The following KIF16B variants were observed in gnomAD, a reference collection of about 807,000 sequenced individuals.
KIF16B encodes kinesin family member 16B, also known as kinesin-like protein KIF16B.
A neutral mutation model predicts 156.3 loss-of-function variants in KIF16B; 98 were observed. The observed-to-expected ratio is 0.63, with a 90% CI of 0.53 to 0.74. The LOEUF (loss-of-function observed/expected upper bound fraction) is 0.74. Ranked by LOEUF, KIF16B falls within the 30% of genes least tolerant of loss-of-function variation. KIF16B has a pLI of 0.00. For missense variants in KIF16B, 1,421 were observed against 1,606.5 expected (o/e 0.88, Z 1.97); for synonymous variants, 564 against 583.7 (o/e 0.97, Z 0.49).
intron 12 of KIF16B, among the ~76,000 whole-genome samples, chr20:16,463,404 T>C (rs2067402015): frequency 6.6e-6 from 1 of 152,174 alleles, no homozygotes; most frequent in Non-Finnish European, 1.5e-5. Context: ...CAAAGTATCC[T>C]AGCATTAGAA....
At chr20:16,353,390 A>G (rs993278650) in intron 23 of KIF16B, among the ~76,000 whole-genome samples, 1 of 152,184 alleles carries the variant, frequency 6.6e-6, no homozygotes, top group Non-Finnish European at 1.5e-5. Flanking sequence ...ACAAAATCCA[A>G]AACTCTCATA....
rs1239388068 is a variant in KIF16B, at chr20:16,370,611, G to A, written c.3473C>T (p.Thr1158Ile). 4 of 1,578,942 alleles carry A rather than the reference G, an allele frequency of 2.5e-6. No individual in the cohort carries two copies. Among genetic ancestry groups the A allele is most frequent in the Admixed American group, 2.0e-5 (1 of 50,962 alleles). The change falls in exon 22 of 26, where the codon ACC becomes ATC. Residue 1158 changes from threonine to isoleucine, a missense_variant. By Grantham distance (89) the Thr-to-Ile change is moderately conservative (BLOSUM62 -1). Transcript: ENST00000354981. Reference protein sequence around the residue: ...MKDNEKLHNGTIQRKLKYERM... With the variant: ...MKDNEKLHNGIIQRKLKYERM... ...CTCATATTTTAGTTTACGTTGAATG[G>A]TGCCATTGTGAAGTTTCTCATTATC...
At chr20:16,449,050 A>G (rs1228166109) in intron 12 of KIF16B, among the ~76,000 whole-genome samples, 2 of 152,216 alleles carry the variant, frequency 1.3e-5, no homozygotes, top group Admixed American at 6.5e-5. Context: ...TGTCAAGAAT[A>G]AATAGATGAA....
intron 12 of KIF16B, among the ~76,000 whole-genome samples, chr20:16,460,562 C>CA (rs1272883244): frequency 0.014 from 1,850 of 135,050 alleles, 33 homozygotes; most frequent in African/African-American, 0.044. Context: ...ACTCCGTCTC[C>CA]AAAAAAAAAA....
At chr20:16,536,376 A>G (rs999685708) in intron 1 of KIF16B, among the ~76,000 whole-genome samples, 3 of 152,126 alleles carry the variant, frequency 2.0e-5, no homozygotes, top group Non-Finnish European at 4.4e-5. Context: ...GAAGTAGGTT[A>G]ATGGGTACAA....
chr20:16,530,424 C>T (rs1339514214), intron 1 of KIF16B, among the ~76,000 whole-genome samples: 1 of 152,160 alleles, frequency 6.6e-6, no homozygotes, highest in Non-Finnish European at 1.5e-5. Flanking sequence ...TCTGTTTGAG[C>T]CCTGGCAGTG....
chr20:16,547,159 T>G (rs1313787004), intron 1 of KIF16B, among the ~76,000 whole-genome samples: 1 of 152,208 alleles, frequency 6.6e-6, no homozygotes, highest in African/African-American at 2.4e-5. Flanking sequence ...CACATAAGCA[T>G]GCTGTGTCCT....
chr20:16,431,159 C>T (rs759653266), intron 12 of KIF16B, among the ~76,000 whole-genome samples: 1 of 152,078 alleles, frequency 6.6e-6, no homozygotes, highest in African/African-American at 2.4e-5. Flanking sequence ...GCAGCACGTG[C>T]CTCTGGCCCA....
intron 12 of KIF16B, among the ~76,000 whole-genome samples, chr20:16,447,978 G>T (rs1363770933): frequency 6.6e-6 from 1 of 152,154 alleles, no homozygotes; most frequent in Non-Finnish European, 1.5e-5. Context: ...ATGGACAGGT[G>T]TGTGAAGTAA....
chr20:16,531,122 A>G (rs2069731547), intron 1 of KIF16B, among the ~76,000 whole-genome samples: 1 of 152,236 alleles, frequency 6.6e-6, no homozygotes, highest in Non-Finnish European at 1.5e-5. Flanking sequence ...TGCTGCCCAA[A>G]GTTGAGAAAT....
In KIF16B at chr20:16,516,991, G is replaced by A. The variant is rs932684326; in HGVS notation, c.232-1327C>T. Reference sequence around the variant, plus strand: ...ATGGAAGCCAGATTCCCATTAGGATGTGCACATGGCCCACATCAGTGCAGA... The same window carrying A: ...ATGGAAGCCAGATTCCCATTAGGATATGCACATGGCCCACATCAGTGCAGA... On this transcript the variant is annotated intron_variant, in intron 3 of 25. Transcript: ENST00000354981. Among the ~76,000 whole-genome samples, 13 of 152,206 alleles carry A rather than the reference G, an allele frequency of 8.5e-5. No individual in the cohort carries two copies. In the East Asian group the frequency reaches 2.3e-3, roughly 27 times the overall value.
intron 23 of KIF16B, among the ~76,000 whole-genome samples, chr20:16,348,021 G>T (rs2064266106): frequency 6.6e-6 from 1 of 152,136 alleles, no homozygotes. Flanking sequence ...AATTTTTCTA[G>T]GCATTTCTTC....
intron 24 of KIF16B, among the ~76,000 whole-genome samples, chr20:16,328,749 A>C (rs1164692257): frequency 1.3e-5 from 2 of 152,166 alleles, no homozygotes; most frequent in Admixed American, 6.5e-5. Context: ...TCAGGGTGTA[A>C]GCAGATTCAG....
intron 4 of KIF16B, among the ~76,000 whole-genome samples, chr20:16,513,607 C>A (rs1036675097): frequency 6.8e-6 from 1 of 147,502 alleles, no homozygotes; most frequent in Non-Finnish European, 1.5e-5. Flanking sequence ...TTGCAGTGAG[C>A]CAAGATTGCG....
At chr20:16,373,278 T>TA (rs756355405) in intron 20 of KIF16B, among the ~76,000 whole-genome samples, 3 of 152,224 alleles carry the variant, frequency 2.0e-5, no homozygotes, top group Non-Finnish European at 4.4e-5. Flanking sequence ...GATAGTCACT[T>TA]AAATTTGAAA....
chr20:16,286,028 T>C (rs899531827), intron 25 of KIF16B, among the ~76,000 whole-genome samples: 6 of 152,224 alleles, frequency 3.9e-5, no homozygotes, highest in Admixed American at 6.5e-5. Flanking sequence ...AATGAACACG[T>C]AGGCTGTTCT....
intron 2 of KIF16B, among the ~76,000 whole-genome samples, chr20:16,527,176 G>GGAAA (rs1236616549): frequency 6.6e-6 from 1 of 152,170 alleles, no homozygotes; most frequent in African/African-American, 2.4e-5. Flanking sequence ...CCAAAGGAAG[G>GGAAA]GAAAGAAGCA....
At chr20:16,410,844 C>T (rs748621957) in intron 15 of KIF16B, among the ~76,000 whole-genome samples, 4 of 151,634 alleles carry the variant, frequency 2.6e-5, no homozygotes, top group African/African-American at 9.7e-5. Context: ...TTTACATTTA[C>T]GCATGCCTGC....
intron 10 of KIF16B, among the ~76,000 whole-genome samples, chr20:16,498,678 A>G (rs1329642552): frequency 1.3e-5 from 2 of 151,978 alleles, no homozygotes; most frequent in Non-Finnish European, 2.9e-5. Flanking sequence ...CTCTCCTATT[A>G]ACATAAATGT....
Sources: gnomAD v4.1 joint callset for allele counts (sites outside exome capture counted in the v4.1 genomes callset) on GRCh38, gnomAD v4.1.1 for gene constraint, MANE v1.5 for transcripts, NCBI Gene and HGNC (gene_info 2026-07-23, HGNC 2026-07-21) for gene names.